The following LCA5L variants were observed in gnomAD, a reference collection of about 807,000 sequenced individuals.
LCA5L encodes the protein lebercilin LCA5 like.
LCA5L carries 35 observed loss-of-function variants against 45.4 expected under a neutral mutation model. The ratio of observed to expected loss-of-function variants is 0.77; its 90% CI spans 0.59 to 1.02. LCA5L has a LOEUF of 1.02. Ranked by LOEUF, LCA5L falls within the 50% of genes least tolerant of loss-of-function variation. The probability of loss-of-function intolerance (pLI) is 0.00; values close to 1 mark genes in which losing one functional copy is unlikely to be tolerated. For missense variants in LCA5L, 668 were observed against 761.6 expected (o/e 0.88, Z 1.45); for synonymous variants, 233 against 264.7 (o/e 0.88, Z 1.16).
intron 7 of LCA5L, among the ~76,000 whole-genome samples, chr21:39,415,318 A>G (rs1253234499): frequency 6.6e-6 from 1 of 152,178 alleles, no homozygotes; most frequent in African/African-American, 2.4e-5. Context: ...AATGCATAAA[A>G]TATGTAATTT....
intron 6 of LCA5L, chr21:39,421,722 A>G (rs2073800588): frequency 6.6e-6 from 1 of 152,214 alleles, no homozygotes; most frequent in Non-Finnish European, 1.5e-5. Flanking sequence ...AGTGGAAGAC[A>G]TGGAAAGCTA....
At chr21:39,410,242 C>A in intron 9 of LCA5L, 22 bp downstream of exon 9, 2 of 1,467,586 alleles carry the variant, frequency 1.4e-6, no homozygotes, top group Non-Finnish European at 1.9e-6. Flanking sequence ...TCAGACACTG[C>A]AAGATTCCAA....
chr21:39,406,424 C>A lies in LCA5L; in HGVS notation c.1471G>T (p.Glu491Ter). Reference sequence around the variant, plus strand: ...CTCTGCATGCTTCTTTTAAACTTTTCTCTTACTAGAACATCTTCTTGATTG... The same window carrying A: ...CTCTGCATGCTTCTTTTAAACTTTTATCTTACTAGAACATCTTCTTGATTG... ...ESNQEDVLVR[E>*]KFKRSMQRNG... Residue 491 changes from glutamate to a stop codon, truncating the protein, a stop_gained, in exon 11 of 11, where the codon GAA becomes TAA. Transcript: ENST00000288350. LOFTEE classifies it low-confidence loss of function (END_TRUNC). The A allele has an allele frequency of 6.2e-7, 1 of 1,614,096 alleles. No individual in the cohort carries two copies. The highest frequency in any genetic ancestry group is 8.5e-7 in the Non-Finnish European group (1 of 1,179,976).
At chr21:39,439,925 T>C (rs2076649708) in intron 2 of LCA5L, among the ~76,000 whole-genome samples, 1 of 152,136 alleles carries the variant, frequency 6.6e-6, no homozygotes, top group South Asian at 2.1e-4. Context: ...TCTTACTGTC[T>C]GAAAGAGGGA....
At chr21:39,407,276 A>C (rs1307179522) in intron 10 of LCA5L, among the ~76,000 whole-genome samples, 1 of 152,194 alleles carries the variant, frequency 6.6e-6, no homozygotes, top group African/African-American at 2.4e-5. Flanking sequence ...ACAGAACAGG[A>C]CACAATGAGA....
intron 7 of LCA5L, among the ~76,000 whole-genome samples, chr21:39,417,055 CAG>C (rs1432577451): frequency 6.6e-6 from 1 of 152,196 alleles, no homozygotes; most frequent in Non-Finnish European, 1.5e-5. Flanking sequence ...ATTTTTGAGA[CAG>C]AGTCTCGCTC....
intron 3 of LCA5L, among the ~76,000 whole-genome samples, chr21:39,429,796 T>C (rs573521183): frequency 3.9e-5 from 6 of 152,270 alleles, no homozygotes; most frequent in East Asian, 3.9e-4. Context: ...GGTGGGTGGA[T>C]AGCTTGAGCT....
At position 39,419,666 on chromosome 21, in the gene LCA5L, A is replaced by T. The variant is rs138824209; in HGVS notation, c.975+1040T>A. 4.1e-3 allele frequency among the ~76,000 whole-genome samples: 629 copies of T among 152,264 alleles called. 6 individuals are homozygous for T. Among genetic ancestry groups the T allele is most frequent in the African/African-American group, 0.015 (611 of 41,546 alleles). ...GAGGTGATTAGGTCACAAGGGCAGA[A>T]TCCTTGTGAATGGGATTAGTGCCCT... On this transcript the variant is annotated intron_variant, in intron 7 of 10. Transcript: ENST00000288350.
intron 5 of LCA5L, chr21:39,425,780 G>A (rs2074580829): frequency 6.6e-6 from 1 of 152,394 alleles, no homozygotes; most frequent in Non-Finnish European, 1.5e-5. Flanking sequence ...CTCTGACCCT[G>A]GAGGAGAGGG....
At chr21:39,444,532 C>A (rs988244745) in intron 1 of LCA5L, 2 of 152,004 alleles carry the variant, frequency 1.3e-5, no homozygotes, top group African/African-American at 4.8e-5. Flanking sequence ...AAAAAACTTA[C>A]TCATACGAAA....
intron 4 of LCA5L, 89 bp from the exon 5 acceptor site, chr21:39,428,592 ATATATATTTTTTTTT>A (rs2075216000): frequency 2.8e-5 from 1 of 35,156 alleles, no homozygotes; most frequent in African/African-American, 9.7e-5. Flanking sequence ...ATATATATAT[ATATATATTTTTTTTT>A]TTTTTTTTTT....
intron 5 of LCA5L, among the ~76,000 whole-genome samples, chr21:39,425,681 A>G (rs994087269): frequency 6.6e-6 from 1 of 152,066 alleles, no homozygotes; most frequent in Admixed American, 6.5e-5. Flanking sequence ...GGTTTAAAAC[A>G]GGGGTGGGCG....
In LCA5L at chr21:39,411,792, C is replaced by T. The variant is rs371028172; in HGVS notation, c.986G>A (p.Arg329His). The stretch of plus-strand genomic sequence containing the variant: ...ATAGATGTTTTTAATTTCAAGCTCA[C>T]GATCCTTTTCCTAAAAAGAACCACA... ...HLQQKLKEKDRELEIKNIYSH... is the reference protein window; with the variant it reads ...HLQQKLKEKDHELEIKNIYSH... The change falls in exon 8 of 11, where the codon CGT becomes CAT. Residue 329 changes from arginine (R) to histidine (H), a missense_variant. By Grantham distance (29) the Arg-to-His change is conservative. Transcript: ENST00000288350. The T allele has an allele frequency of 1.5e-5, 24 of 1,581,586 alleles. No individual in the cohort carries two copies. Among genetic ancestry groups the T allele is most frequent in the African/African-American group, 2.7e-5 (2 of 74,042 alleles).
intron 7 of LCA5L, among the ~76,000 whole-genome samples, chr21:39,417,683 G>C (rs768817406): frequency 6.6e-6 from 1 of 152,192 alleles, no homozygotes; most frequent in Non-Finnish European, 1.5e-5. Context: ...GACAAAGGAG[G>C]AGCAAAAGGA....
chr21:39,420,911 G>T, intron 6 of LCA5L, 68 bp from the exon 7 acceptor site: 2 of 1,201,580 alleles, frequency 1.7e-6, no homozygotes, highest in South Asian at 1.3e-5. Flanking sequence ...AATTATCATG[G>T]AACTAACTAC....
intron 7 of LCA5L, 22 bp downstream of exon 7, chr21:39,420,684 C>A: frequency 1.3e-6 from 2 of 1,592,876 alleles, no homozygotes; most frequent in South Asian, 1.1e-5. Flanking sequence ...TTCATTCTTA[C>A]ATTTTGTTTT....
At chr21:39,428,598 A>ATATTT (rs1242243392) in intron 4 of LCA5L, 95 bp from the exon 5 acceptor site, 1 of 32,034 alleles carries the variant, frequency 3.1e-5, no homozygotes, top group African/African-American at 1.0e-4. Flanking sequence ...ATATATATAT[A>ATATTT]TTTTTTTTTT....
chr21:39,437,606 C>T (rs898397522), intron 2 of LCA5L, among the ~76,000 whole-genome samples: 2 of 152,040 alleles, frequency 1.3e-5, no homozygotes, highest in African/African-American at 2.4e-5. Context: ...ACTACAGGCA[C>T]GTGCCACCAT....
intron 7 of LCA5L, among the ~76,000 whole-genome samples, chr21:39,412,926 G>A (rs1254894039): frequency 6.6e-6 from 1 of 152,196 alleles, no homozygotes; most frequent in Admixed American, 6.5e-5. Context: ...TGTGGAGGGA[G>A]CTGCACCTGC....
Sources: allele counts gnomAD v4.1 joint callset (sites outside exome capture counted in the v4.1 genomes callset), GRCh38; gene constraint gnomAD v4.1.1; transcripts MANE v1.5; gene names NCBI Gene and HGNC (gene_info 2026-07-23, HGNC 2026-07-21).